EPHX3: variants seen among roughly 807,000 people sequenced by gnomAD.
The protein encoded by EPHX3 is abhydrolase domain containing 9.
EPHX3 carries 39 observed loss-of-function variants against 40.2 expected under a neutral mutation model. The ratio of observed to expected loss-of-function variants is 0.97; its 90% CI spans 0.75 to 1.27. The LOEUF (loss-of-function observed/expected upper bound fraction) is 1.27, where lower values mean the gene tolerates loss of function less well. Ranked by LOEUF, EPHX3 falls within the 50% of genes most tolerant of loss-of-function variation. The pLI, the probability that EPHX3 is intolerant of heterozygous loss-of-function variation, is 0.00. For missense variants in EPHX3, 442 were observed against 474.0 expected, an observed-to-expected ratio of 0.93 and a Z score of 0.63; for synonymous variants, 213 against 209.7, an observed-to-expected ratio of 1.02 and a Z score of -0.14.
rs941412043 is a variant in EPHX3, at chr19:15,232,423, G to A, written c.-212C>T. 4.4e-6 allele frequency: 6 copies of A among 1,354,144 alleles called. No homozygotes were observed. The African/African-American group carries it at 6.2e-5, about 14-fold the overall frequency. The allele number at this position is 1,354,144 out of a possible 1,614,324, so 83.9% of individuals were successfully genotyped here. ...ACCTGAGTGCCAGGTAAACACCTGG[G>A]CGCGACAGGGACAGGAAACAAGGGT... is the stretch of plus-strand genomic sequence containing the variant. On this transcript the variant is annotated 5_prime_UTR_variant, in exon 1 of 7. Transcript: ENST00000221730.
At chr19:15,230,600 C>T (rs988158616) in intron 4 of EPHX3, among the ~76,000 whole-genome samples, 2 of 152,208 alleles carry the variant, frequency 1.3e-5, no homozygotes, top group Admixed American at 1.3e-4. Flanking sequence ...CCTGCATCAG[C>T]CTCCCGAGTA....
In EPHX3 at chr19:15,228,108, G is replaced by T; in HGVS notation, c.617-8C>A. On this transcript the variant is annotated splice_polypyrimidine_tract_variant and splice_region_variant and intron_variant, in intron 4 of 6. Coordinates refer to ENST00000221730, the MANE Select transcript of EPHX3 (RefSeq NM_024794.3). ...TGTGGTGCAGGGAATAGTCTGGGGT[G>T]GGAGGGTTGGGGGAGAGATATAAGG... 13 of 1,566,904 alleles carry T rather than the reference G, an allele frequency of 8.3e-6. No homozygotes were observed. Among genetic ancestry groups the T allele is most frequent in the South Asian group, 1.1e-5 (1 of 88,372 alleles).
intron 2 of EPHX3, 63 bp downstream of exon 2, chr19:15,231,713 G>T: frequency 2.0e-6 from 3 of 1,530,632 alleles, no homozygotes; most frequent in South Asian, 1.1e-5. Flanking sequence ...CCTGCCTCTT[G>T]GGAGCCCAAG....
chr19:15,228,113 G>T lies in EPHX3; in HGVS notation c.617-13C>A, dbSNP rs2047127122. 3 of 1,440,594 alleles carry T rather than the reference G, an allele frequency of 2.1e-6. No homozygotes were observed. The highest frequency in any genetic ancestry group is 1.2e-5 in the South Asian group (1 of 85,562). 89.2% of individuals were successfully genotyped at this position (1,440,594 alleles called of 1,614,324 possible). The stretch of plus-strand genomic sequence containing the variant: ...TGCAGGGAATAGTCTGGGGTGGGAG[G>T]GTTGGGGGAGAGATATAAGGCCTGC... On this transcript the variant is annotated splice_polypyrimidine_tract_variant and intron_variant, in intron 4 of 6. Coordinates refer to ENST00000221730, the MANE Select transcript of EPHX3 (RefSeq NM_024794.3).
At chr19:15,228,208 C>G in intron 4 of EPHX3, 108 bp from the exon 5 acceptor site, 1 of 846,126 alleles carries the variant, frequency 1.2e-6, no homozygotes, top group Non-Finnish European at 1.9e-6. Context: ...TCAGGAATGC[C>G]ACTGCTGCCT....
chr19:15,229,620 C>T (rs559760900), intron 4 of EPHX3, among the ~76,000 whole-genome samples: 12 of 146,456 alleles, frequency 8.2e-5, no homozygotes, highest in South Asian at 6.5e-4. Context: ...AGGGGCCAGG[C>T]GTGGTGGCTC....
At chr19:15,231,492 GCTCTAAACTTCC>G in intron 2 of EPHX3, 96 bp from the exon 3 acceptor site, 1 of 1,437,896 alleles carries the variant, frequency 7.0e-7, no homozygotes, top group South Asian at 1.3e-5. Context: ...CCTCCTTCCT[GCTCTAAACTTCC>G]CCTAAAAGGA....
At chr19:15,230,128 TA>T (rs896773888) in intron 4 of EPHX3, among the ~76,000 whole-genome samples, 39 of 151,844 alleles carry the variant, frequency 2.6e-4, no homozygotes, top group Admixed American at 9.9e-4. Flanking sequence ...GTAAGTGCTA[TA>T]AAAAAATGTG....
chr19:15,231,517 A>T (rs139665656), intron 2 of EPHX3, 121 bp from the exon 3 acceptor site: 1 of 1,320,530 alleles, frequency 7.6e-7, no homozygotes, highest in Non-Finnish European at 1.0e-6. Flanking sequence ...TAAAAGGAGG[A>T]TGGGGAATCC....
chr19:15,235,513 G>A (rs2047185976), upstream of EPHX3: 1 of 150,538 alleles, frequency 6.6e-6, no homozygotes, highest in South Asian at 2.1e-4. Context: ...AGCCATCACA[G>A]GAGAGTAACT....
chr19:15,230,828 A>G lies in EPHX3; in HGVS notation c.616+134T>C, dbSNP rs536813440. On this transcript the variant is annotated intron_variant, in intron 4 of 6. Transcript: ENST00000221730. The stretch of plus-strand genomic sequence containing the variant: ...TTCCGAATGAGGAGTTCCACAACCG[A>G]AGGGACCTGGGTTGATTGCTGCACC... The G allele has an allele frequency of 4.3e-5, 54 of 1,243,872 alleles. No homozygotes were observed. The African/African-American group carries it at 7.0e-4, about 16-fold the overall frequency. 77.1% of individuals were successfully genotyped at this position (1,243,872 alleles called of 1,614,324 possible). A position where few individuals can be genotyped will look rare whatever the true frequency, so the allele number is the denominator to read the frequency against.
intron 4 of EPHX3, among the ~76,000 whole-genome samples, chr19:15,230,171 A>G (rs572065313): frequency 1.1e-4 from 16 of 151,824 alleles, no homozygotes; most frequent in African/African-American, 3.9e-4. Context: ...GATTTATTTT[A>G]TTTTATTTTA....
In EPHX3 at chr19:15,232,045, C is replaced by CAGCA; in HGVS notation, c.163_166dup (p.Cys56LeufsTer20). ...GGGGGACGCGCTCCGACGGCGCCCG[C>CAGCA]AGCAGCCGCGCCGGGGCCGGCACAG... On this transcript the variant is annotated frameshift_variant, in exon 1 of 7. Transcript: ENST00000221730. LOFTEE classifies it high-confidence loss of function. The CAGCA allele has an allele frequency of 6.3e-7, 1 of 1,583,060 alleles. No homozygotes were observed.
At chr19:15,229,907 A>AAAAAAAAAC (rs1203339827) in intron 4 of EPHX3, among the ~76,000 whole-genome samples, 61 of 140,252 alleles carry the variant, frequency 4.3e-4, no homozygotes, top group South Asian at 1.1e-3. Flanking sequence ...AAAAAAAAAA[A>AAAAAAAAAC]AAAAGAAAAG....
upstream of EPHX3, chr19:15,236,137 G>A (rs569671730): frequency 5.9e-5 from 9 of 152,320 alleles, no homozygotes; most frequent in African/African-American, 2.2e-4. Context: ...AGACAATAAA[G>A]GACCTTTCAG....
Position 15,231,395 on chromosome 19 carries a change from A to C in EPHX3, c.331T>G (p.Phe111Val), listed in dbSNP as rs1568372399. 6.2e-7 allele frequency: 1 copy of C among 1,613,370 alleles called. No homozygotes were observed. Among genetic ancestry groups the C allele is most frequent in the Non-Finnish European group, 8.5e-7 (1 of 1,179,898 alleles). Residue 111 changes from phenylalanine to valine, a missense_variant and splice_region_variant, in exon 3 of 7, where the codon TTC becomes GTC. Physicochemically the swap from Phe to Val is conservative, Grantham distance 50. Transcript: ENST00000221730. ...LFLHGFPENWFSWRYQLREFQ... is the reference protein window; with the variant it reads ...LFLHGFPENWVSWRYQLREFQ... ...TCCCGGAGCTGGTAACGCCAGGAGA[A>C]CCTGCCAGGCGGGCGAGGGAGGGAG...
chr19:15,232,034 G>A lies in EPHX3; in HGVS notation c.178C>T (p.Arg60Trp). 1 of 1,587,672 alleles carries A rather than the reference G, an allele frequency of 6.3e-7. No homozygotes were observed. Among genetic ancestry groups the A allele is most frequent in the East Asian group, 2.3e-5 (1 of 44,058 alleles). ...CTCAGGCAGGCGGGGGACGCGCTCC[G>A]ACGGCGCCCGCAGCAGCCGCGCCGG... is the stretch of plus-strand genomic sequence containing the variant. Reference protein sequence around the residue: ...RPRRGCCGRRRSASPACLSDP... With the variant: ...RPRRGCCGRRWSASPACLSDP... The change falls in exon 1 of 7, where the codon CGG becomes TGG. Residue 60 changes from arginine (R) to tryptophan (W), a missense_variant. Physicochemically the swap from Arg to Trp is moderately radical, Grantham distance 101 (BLOSUM62 -3). Transcript: ENST00000221730.
chr19:15,229,883 C>G (rs2047140605), intron 4 of EPHX3, among the ~76,000 whole-genome samples: 2 of 4,600 alleles, frequency 4.3e-4, no homozygotes, highest in African/African-American at 1.6e-3. Flanking sequence ...AAGACTCTGT[C>G]TCAAAAAAAA....
upstream of EPHX3, chr19:15,232,886 A>G (rs1351055955): frequency 1.6e-5 from 2 of 125,496 alleles, no homozygotes. Flanking sequence ...TCAAAAAAGA[A>G]AAAAAAAAAA....
Sources: allele counts gnomAD v4.1 joint callset (sites outside exome capture counted in the v4.1 genomes callset), GRCh38; gene constraint gnomAD v4.1.1; transcripts MANE v1.5; gene names NCBI Gene and HGNC (gene_info 2026-07-23, HGNC 2026-07-21).